The following SGCD variants were observed in gnomAD, a reference collection of about 807,000 sequenced individuals.
SGCD encodes sarcoglycan delta.
SGCD carries 18 observed loss-of-function variants against 36.6 expected under a neutral mutation model. That is an observed-to-expected ratio of 0.49 (90% CI 0.34 to 0.73). SGCD has a LOEUF of 0.73. Among genes scored for constraint, SGCD ranks in the 30% least tolerant of loss-of-function variants. The probability of loss-of-function intolerance (pLI) is 0.01; values close to 1 mark genes in which losing one functional copy is unlikely to be tolerated. For missense variants in SGCD, 387 were observed against 346.7 expected, an observed-to-expected ratio of 1.12 and a Z score of -0.92; for synonymous variants, 133 against 130.6, an observed-to-expected ratio of 1.02 and a Z score of -0.12.
intron 4 of SGCD, among the ~76,000 whole-genome samples, chr5:156,537,794 G>T (rs1758182162): frequency 6.6e-6 from 1 of 151,620 alleles, no homozygotes; most frequent in African/African-American, 2.4e-5. Context: ...GACACATGAT[G>T]GAAGGAAGAA....
chr5:156,213,128 A>G (rs775352184), intron 3 of SGCD, among the ~76,000 whole-genome samples: 4 of 152,048 alleles, frequency 2.6e-5, no homozygotes, highest in Admixed American at 1.3e-4. Flanking sequence ...TAAAGTTAGT[A>G]GAAGGAAGGA....
At chr5:156,452,523 T>G (rs990703858) in intron 3 of SGCD, among the ~76,000 whole-genome samples, 1 of 152,174 alleles carries the variant, frequency 6.6e-6, no homozygotes, top group African/African-American at 2.4e-5. Flanking sequence ...ATCCAAATTG[T>G]GCAGAAACAA....
intron 1 of SGCD, among the ~76,000 whole-genome samples, chr5:156,100,309 C>A (rs554594298): frequency 1.3e-4 from 20 of 150,728 alleles, no homozygotes; most frequent in South Asian, 2.1e-4. Flanking sequence ...AAAAAAAAAA[C>A]CATCTAAAGG....
At chr5:156,630,592 T>A (rs1762596862) in intron 6 of SGCD, among the ~76,000 whole-genome samples, 1 of 152,230 alleles carries the variant, frequency 6.6e-6, no homozygotes, top group Admixed American at 6.5e-5. Flanking sequence ...CCTCAAGTTG[T>A]TAGTTGCTTA....
rs375684024 is a variant in SGCD at position 155,892,245 on chromosome 5, C to T, written c.-282+21821C>T. 3.8e-4 allele frequency among the ~76,000 whole-genome samples: 58 copies of T among 151,978 alleles called. 1 individual carries two copies. The highest frequency in any genetic ancestry group is 1.3e-3 in the African/African-American group (54 of 41,446). ...GGCTGAGGTGGGTGGATCACGAGGT[C>T]AGGAAATCAAGACCATCCTGGCCAA... is the stretch of plus-strand genomic sequence containing the variant. On this transcript the variant is annotated intron_variant, in intron 1 of 9. Transcript: ENST00000517913.
chr5:156,348,409 T>A (rs1349472745), intron 3 of SGCD, among the ~76,000 whole-genome samples: 1 of 152,132 alleles, frequency 6.6e-6, no homozygotes, highest in Non-Finnish European at 1.5e-5. Context: ...TTCAGTAAAG[T>A]CTCAGGTTAC....
intron 1 of SGCD, among the ~76,000 whole-genome samples, chr5:155,903,009 A>G (rs768075017): frequency 2.6e-5 from 4 of 152,220 alleles, no homozygotes; most frequent in Non-Finnish European, 5.9e-5. Flanking sequence ...TCTTTGGGCA[A>G]TGATTATTTA....
chr5:155,961,624 G>A (rs1757792206), intron 1 of SGCD, among the ~76,000 whole-genome samples: 1 of 152,046 alleles, frequency 6.6e-6, no homozygotes, highest in African/African-American at 2.4e-5. Flanking sequence ...CACATGGCAA[G>A]GCTTAATCTC....
At chr5:156,285,928 A>T (rs1766583923) in intron 3 of SGCD, among the ~76,000 whole-genome samples, 1 of 152,216 alleles carries the variant, frequency 6.6e-6, no homozygotes, top group African/African-American at 2.4e-5. Context: ...TACTCATCTG[A>T]CAAAGGGCTA....
At chr5:156,212,928 A>G (rs539267112) in intron 3 of SGCD, among the ~76,000 whole-genome samples, 1 of 152,190 alleles carries the variant, frequency 6.6e-6, no homozygotes, top group South Asian at 2.1e-4. Context: ...TTAAAAGGGA[A>G]ATTTAAAAAT....
the SGCD span, among the ~76,000 whole-genome samples, chr5:155,857,982 A>AT: frequency 9.9e-5 from 15 of 151,864 alleles, no homozygotes; most frequent in East Asian, 2.5e-3. Flanking sequence ...CTTTTTCTGC[A>AT]TTTTTTTGGT....
chr5:156,552,509 A>G (rs1213845662), intron 4 of SGCD, among the ~76,000 whole-genome samples: 1 of 152,108 alleles, frequency 6.6e-6, no homozygotes, highest in Non-Finnish European at 1.5e-5. Flanking sequence ...TATATTACTC[A>G]TTTATCTTTT....
chr5:155,882,148 C>A (rs2113297345), intron 1 of SGCD, among the ~76,000 whole-genome samples: 1 of 152,086 alleles, frequency 6.6e-6, no homozygotes, highest in East Asian at 1.9e-4. Flanking sequence ...TGCTCTGTTT[C>A]CCCTGGCTGG....
At chr5:156,058,468 G>A (rs1393139959) in intron 1 of SGCD, among the ~76,000 whole-genome samples, 2 of 145,828 alleles carry the variant, frequency 1.4e-5, no homozygotes, top group Admixed American at 6.9e-5. Context: ...AGTGGGTCTG[G>A]GGATGGGGGA....
chr5:156,528,260 A>G (rs978862863), intron 4 of SGCD, among the ~76,000 whole-genome samples: 2 of 152,206 alleles, frequency 1.3e-5, no homozygotes, highest in African/African-American at 4.8e-5. Flanking sequence ...TGGGCATAAT[A>G]ATAGCACTAT....
At chr5:156,410,928 A>AC (rs1772712890) in intron 3 of SGCD, among the ~76,000 whole-genome samples, 1 of 152,160 alleles carries the variant, frequency 6.6e-6, no homozygotes, top group African/African-American at 2.4e-5. Context: ...TGAAAAAAAA[A>AC]CATACAAAGG....
At chr5:156,477,683 A>T (rs1403695876) in intron 3 of SGCD, among the ~76,000 whole-genome samples, 3 of 113,946 alleles carry the variant, frequency 2.6e-5, no homozygotes, top group African/African-American at 1.1e-4. Flanking sequence ...AAAGTATTTG[A>T]GCAAAAAAAA....
At chr5:155,975,131 C>T (rs72807713) in intron 1 of SGCD, among the ~76,000 whole-genome samples, 2,107 of 152,280 alleles carry the variant, frequency 0.014, 33 homozygotes, top group Non-Finnish European at 0.024. Flanking sequence ...AGAACAAAAA[C>T]ATGTCTGTGG....
intron 7 of SGCD, among the ~76,000 whole-genome samples, chr5:156,655,321 C>A (rs1337277742): frequency 6.6e-6 from 1 of 151,822 alleles, no homozygotes; most frequent in Non-Finnish European, 1.5e-5. Context: ...TCTGTTTGTT[C>A]TTATTTTGTT....
Sources: gnomAD v4.1 joint callset for allele counts (sites outside exome capture counted in the v4.1 genomes callset) on GRCh38, gnomAD v4.1.1 for gene constraint, MANE v1.5 for transcripts, NCBI Gene and HGNC (gene_info 2026-07-23, HGNC 2026-07-21) for gene names.